TLR1: variants seen among roughly 807,000 people sequenced by gnomAD.
TLR1 encodes the protein toll like receptor 1.
TLR1 carries 19 observed loss-of-function variants against 20.2 expected under a neutral mutation model. That is an observed-to-expected ratio of 0.94 (90% CI 0.66 to 1.38). The LOEUF (loss-of-function observed/expected upper bound fraction) is 1.38, where lower values mean the gene tolerates loss of function less well. Among genes scored for constraint, TLR1 ranks in the 40% most tolerant of loss-of-function variants. The pLI is 0.00. For synonymous variants in TLR1, 320 were observed against 334.5 expected (o/e 0.96, Z 0.47); for missense variants, 921 against 910.0 (o/e 1.01, Z -0.16).
rs1004647531 is a variant in TLR1, at chr4:38,796,368, C to T, written c.*103G>A. ...TATATTTTTACCTACATCATACACT[C>T]ACAATTGTGTTTACATCTATGCTGA... On this transcript the variant is annotated 3_prime_UTR_variant, in exon 4 of 4. Transcript: ENST00000308979. The T allele has an allele frequency of 1.3e-5, 17 of 1,313,506 alleles. No homozygotes were observed. The African/African-American group carries it at 2.5e-4, about 19-fold the overall frequency. 81.4% of individuals were successfully genotyped at this position (1,313,506 alleles called of 1,614,324 possible).
At chr4:38,804,242 A>G (rs1283569344) in intron 2 of TLR1, 64 bp downstream of exon 2, 1 of 152,270 alleles carries the variant, frequency 6.6e-6, no homozygotes, top group African/African-American at 2.4e-5. Flanking sequence ...GAACAGTGTT[A>G]GTGGCCTGAG....
intron 3 of TLR1, among the ~76,000 whole-genome samples, chr4:38,799,386 C>T (rs564965792): frequency 6.6e-6 from 1 of 152,236 alleles, no homozygotes; most frequent in African/African-American, 2.4e-5. Context: ...ACAGTGGAGG[C>T]AGAGACTGGA....
rs1273553785 is a variant in TLR1, at chr4:38,798,417, A to G, written c.415T>C (p.Ser139Pro). The G allele has an allele frequency of 6.2e-7, 1 of 1,613,484 alleles. No homozygotes were observed. The highest frequency in any genetic ancestry group is 8.5e-7 in the Non-Finnish European group (1 of 1,179,502). ...LPICKEFGNMSQLKFLGLSTT... is the reference protein window; with the variant it reads ...LPICKEFGNMPQLKFLGLSTT... ...CTCAACCCCAGAAATTTTAGTTGAGACATATTGCCAAACTCTTTGCATATA... is the reference window on the plus strand; with the variant it reads ...CTCAACCCCAGAAATTTTAGTTGAGGCATATTGCCAAACTCTTTGCATATA... The change falls in exon 4 of 4, where the codon TCT becomes CCT. Residue 139 changes from serine to proline, a missense_variant. Ser to Pro is a moderately conservative substitution (Grantham distance 74, BLOSUM62 -1). Coordinates refer to ENST00000308979, the MANE Select transcript of TLR1 (RefSeq NM_003263.4).
downstream of TLR1, among the ~76,000 whole-genome samples, chr4:38,795,300 G>C (rs1725966518): frequency 6.6e-6 from 1 of 152,180 alleles, no homozygotes; most frequent in African/African-American, 2.4e-5. Context: ...ACATGGTGTA[G>C]TTATGACAAG....
intron 2 of TLR1, among the ~76,000 whole-genome samples, chr4:38,804,038 G>A (rs1444341981): frequency 6.6e-6 from 1 of 152,188 alleles, no homozygotes; most frequent in African/African-American, 2.4e-5. Context: ...CTCTGCACAA[G>A]ACCAAATAGC....
At chr4:38,788,599 AGAGCCAGC>A (rs1725653943), downstream of TLR1, among the ~76,000 whole-genome samples, 2 of 152,374 alleles carry the variant, frequency 1.3e-5, no homozygotes, top group African/African-American at 4.8e-5. Context: ...GGGCTCTGCT[AGAGCCAGC>A]TTATACCAGC....
At chr4:38,804,080 G>A (rs1269829633) in intron 2 of TLR1, among the ~76,000 whole-genome samples, 1 of 152,220 alleles carries the variant, frequency 6.6e-6, no homozygotes, top group Non-Finnish European at 1.5e-5. Flanking sequence ...ATCTGAGACA[G>A]TTCAAGAACT....
intron 3 of TLR1, 73 bp from the exon 4 acceptor site, chr4:38,798,971 A>T: frequency 1.3e-6 from 1 of 761,092 alleles, no homozygotes. Context: ...GTCATGGCTG[A>T]CATTAAACTT....
intron 2 of TLR1, among the ~76,000 whole-genome samples, chr4:38,801,491 C>A (rs1011318298): frequency 6.6e-6 from 1 of 152,194 alleles, no homozygotes; most frequent in Non-Finnish European, 1.5e-5. Context: ...TACCCTGGGG[C>A]AGTGCCAAGC....
Position 38,796,874 on chromosome 4 carries a change from T to G in TLR1, c.1958A>C (p.Asn653Thr), listed in dbSNP as rs1428846735. The change falls in exon 4 of 4, where the codon AAT (asparagine) becomes ACT (threonine). Residue 653 changes from asparagine (N) to threonine (T), a missense_variant. Coordinates refer to ENST00000308979, the MANE Select transcript of TLR1 (RefSeq NM_003263.4). ...YSGHDSFWVK[N>T]ELLPNLEKEG... The stretch of plus-strand genomic sequence containing the variant: ...TTTCTCTAGGTTTGGCAATAATTCA[T>G]TCTTCACCCAGAAAGAATCGTGCCC... 1.9e-6 allele frequency: 3 copies of G among 1,614,132 alleles called. No homozygotes were observed. Among genetic ancestry groups the G allele is most frequent in the Non-Finnish European group, 2.5e-6 (3 of 1,180,058 alleles).
downstream of TLR1, among the ~76,000 whole-genome samples, chr4:38,787,799 A>G (rs909949073): frequency 3.9e-5 from 6 of 152,184 alleles, no homozygotes; most frequent in Admixed American, 6.5e-5. Flanking sequence ...TATTACACAA[A>G]CAGGACTAGA....
chr4:38,789,141 G>T (rs1233920542), downstream of TLR1, among the ~76,000 whole-genome samples: 1 of 152,130 alleles, frequency 6.6e-6, no homozygotes, highest in Non-Finnish European at 1.5e-5. Flanking sequence ...TACTGTATCT[G>T]TTATGGTGGA....
downstream of TLR1, among the ~76,000 whole-genome samples, chr4:38,794,062 T>C (rs746505395): frequency 6.6e-6 from 1 of 152,204 alleles, no homozygotes; most frequent in Non-Finnish European, 1.5e-5. Context: ...CACCTTGATT[T>C]TGGACTTTCA....
At position 38,798,731 on chromosome 4, in the gene TLR1, T is replaced by G; in HGVS notation, c.101A>C (p.Asn34Thr). 2 of 1,613,172 alleles carry G rather than the reference T, an allele frequency of 1.2e-6. No homozygotes were observed. The highest frequency in any genetic ancestry group is 1.8e-4 in the Middle Eastern group (1 of 5,634). ...GTCTTTAGGAACGTGGATGAGACCGTTTTTTGACCTATCAACTAAAAATTC... is the reference window on the plus strand; with the variant it reads ...GTCTTTAGGAACGTGGATGAGACCGGTTTTTGACCTATCAACTAAAAATTC... Reference protein sequence around the residue: ...ESEFLVDRSKNGLIHVPKDLS... With the variant: ...ESEFLVDRSKTGLIHVPKDLS... The change falls in exon 4 of 4, where the codon AAC (asparagine) becomes ACC (threonine). Residue 34 changes from asparagine (N) to threonine (T), a missense_variant. Coordinates refer to ENST00000308979, the MANE Select transcript of TLR1 (RefSeq NM_003263.4).
At chr4:38,803,283 G>T (rs1319789768) in intron 2 of TLR1, among the ~76,000 whole-genome samples, 1 of 152,098 alleles carries the variant, frequency 6.6e-6, no homozygotes, top group Non-Finnish European at 1.5e-5. Context: ...CTGGAACCTG[G>T]CCCTGGGCGT....
rs2109353424 is a variant in TLR1 at position 38,798,479 on chromosome 4, T to G, written c.353A>C (p.His118Pro). 6.2e-7 allele frequency: 1 copy of G among 1,614,090 alleles called. No individual in the cohort carries two copies. Among genetic ancestry groups the G allele is most frequent in the East Asian group, 2.2e-5 (1 of 44,880 alleles). Reference protein sequence around the residue: ...ISCHPTVNLKHLDLSFNAFDA... With the variant: ...ISCHPTVNLKPLDLSFNAFDA... The stretch of plus-strand genomic sequence containing the variant: ...AAATGCATTAAATGACAGGTCCAAG[T>G]GCTTGAGGTTCACAGTAGGGTGGCA... Residue 118 changes from histidine (H) to proline (P), a missense_variant, in exon 4 of 4, where the codon CAC (histidine) becomes CCC (proline). By Grantham distance (77) the His-to-Pro change is moderately conservative. Transcript: ENST00000308979.
chr4:38,795,764 A>G (rs1303523780), downstream of TLR1, among the ~76,000 whole-genome samples: 1 of 152,270 alleles, frequency 6.6e-6, no homozygotes, highest in Non-Finnish European at 1.5e-5. Flanking sequence ...CCAGTCGAGA[A>G]TACTTAATCA....
Position 38,797,963 on chromosome 4 carries a change from C to A in TLR1, c.869G>T (p.Arg290Ile), listed in dbSNP as rs760353192. The change falls in exon 4 of 4, where the codon AGA (arginine) becomes ATA (isoleucine). Residue 290 changes from arginine to isoleucine, a missense_variant. Arg to Ile is a moderately conservative substitution (Grantham distance 97). Coordinates refer to ENST00000308979, the MANE Select transcript of TLR1 (RefSeq NM_003263.4). ...GGAAGTGCCAGAATAATCAAAATCT[C>A]TGAAGTCCAGCTGACCCTGTAGCTT... ...NVKLQGQLDFRDFDYSGTSLK... is the reference protein window; with the variant it reads ...NVKLQGQLDFIDFDYSGTSLK... 6.2e-6 allele frequency: 10 copies of A among 1,614,188 alleles called. No individual in the cohort carries two copies. The highest frequency in any genetic ancestry group is 3.3e-5 in the Admixed American group (2 of 60,016).
chr4:38,802,155 C>A (rs1291961460), intron 2 of TLR1, among the ~76,000 whole-genome samples: 1 of 152,158 alleles, frequency 6.6e-6, no homozygotes, highest in Non-Finnish European at 1.5e-5. Flanking sequence ...CAAGATCATG[C>A]CATTGCACTC....
Sources: gnomAD v4.1 joint callset for allele counts (sites outside exome capture counted in the v4.1 genomes callset) on GRCh38, gnomAD v4.1.1 for gene constraint, MANE v1.5 for transcripts, NCBI Gene and HGNC (gene_info 2026-07-23, HGNC 2026-07-21) for gene names.